NDUFAF2: variants seen among roughly 807,000 people sequenced by gnomAD.
The protein encoded by NDUFAF2 is NADH:ubiquinone oxidoreductase complex assembly factor 2.
NDUFAF2 carries 13 observed loss-of-function variants against 22.8 expected under a neutral mutation model. The ratio of observed to expected loss-of-function variants is 0.57; its 90% CI spans 0.37 to 0.91. The LOEUF is 0.91. Among genes scored for constraint, NDUFAF2 ranks in the 40% least tolerant of loss-of-function variants. The pLI is 0.01. For missense variants in NDUFAF2, 162 were observed against 195.2 expected (o/e 0.83, Z 1.01); for synonymous variants, 53 against 64.2 (o/e 0.83, Z 0.84).
chr5:61,048,135 T>C (rs1580112222), intron 1 of NDUFAF2, among the ~76,000 whole-genome samples: 2 of 152,188 alleles, frequency 1.3e-5, no homozygotes, highest in South Asian at 4.1e-4. Context: ...TAATACTTTT[T>C]TTAAGTTCTA....
chr5:61,054,334 C>A (rs751459786), intron 1 of NDUFAF2, among the ~76,000 whole-genome samples: 2 of 152,126 alleles, frequency 1.3e-5, no homozygotes, highest in African/African-American at 4.8e-5. Flanking sequence ...AGTAATAGTC[C>A]TATCAAAATA....
intron 3 of NDUFAF2, among the ~76,000 whole-genome samples, chr5:61,122,042 C>G (rs746534865): frequency 2.6e-5 from 4 of 152,060 alleles, no homozygotes; most frequent in Non-Finnish European, 4.4e-5. Context: ...ATTGGCCAGG[C>G]TGGTCTCAAA....
intron 2 of NDUFAF2, among the ~76,000 whole-genome samples, chr5:61,094,663 G>C (rs1676127857): frequency 6.6e-6 from 1 of 152,048 alleles, no homozygotes; most frequent in African/African-American, 2.4e-5. Context: ...CCTTTGGATG[G>C]GTTTTTATTT....
chr5:60,996,410 C>A (rs976967640), intron 1 of NDUFAF2, among the ~76,000 whole-genome samples: 2 of 152,022 alleles, frequency 1.3e-5, no homozygotes, highest in African/African-American at 4.8e-5. Context: ...TGAACTGATA[C>A]CTTAGATGTA....
intron 1 of NDUFAF2, among the ~76,000 whole-genome samples, chr5:60,985,448 G>C (rs1362101279): frequency 6.6e-6 from 1 of 151,996 alleles, no homozygotes; most frequent in Non-Finnish European, 1.5e-5. Flanking sequence ...TTTTGAATGT[G>C]TTTGCTCTTG....
intron 3 of NDUFAF2, among the ~76,000 whole-genome samples, chr5:61,105,510 T>A (rs1170589106): frequency 1.3e-5 from 2 of 150,220 alleles, no homozygotes; most frequent in East Asian, 3.9e-4. Context: ...AATAAGAAAA[T>A]TGCAGCATGT....
At chr5:61,036,885 A>C (rs1238091409) in intron 1 of NDUFAF2, among the ~76,000 whole-genome samples, 2 of 152,146 alleles carry the variant, frequency 1.3e-5, no homozygotes, top group East Asian at 3.9e-4. Flanking sequence ...TGGAAGCCAG[A>C]GGGCAAGGGA....
chr5:61,107,532 G>A (rs1752782683), intron 3 of NDUFAF2, among the ~76,000 whole-genome samples: 1 of 151,200 alleles, frequency 6.6e-6, no homozygotes, highest in Non-Finnish European at 1.5e-5. Context: ...CCCATTCTGT[G>A]AGTTGTCTCT....
intron 1 of NDUFAF2, among the ~76,000 whole-genome samples, chr5:60,979,572 C>T (rs1750948693): frequency 6.6e-6 from 1 of 152,238 alleles, no homozygotes; most frequent in South Asian, 2.1e-4. Context: ...GGTGAGACTT[C>T]TCTACTTGAG....
chr5:61,097,337 G>A (rs1315815422), intron 2 of NDUFAF2, among the ~76,000 whole-genome samples: 1 of 152,154 alleles, frequency 6.6e-6, no homozygotes, highest in Non-Finnish European at 1.5e-5. Flanking sequence ...CTTTAAATGT[G>A]TTCAGAACAC....
rs528378224 is a variant in NDUFAF2 at position 61,113,808 on chromosome 5, G to A, written c.258+14776G>A. 6.5e-5 allele frequency among the ~76,000 whole-genome samples: 7 copies of A among 108,468 alleles called. 1 individual carries two copies. The highest frequency in any genetic ancestry group is 1.8e-4 in the African/African-American group (6 of 33,156). 71.2% of individuals were successfully genotyped at this position (108,468 alleles called of 152,430 possible). A position where few individuals can be genotyped will look rare whatever the true frequency, so the allele number is the denominator to read the frequency against. ...GCAACATAAGAACAACTAATACATA[G>A]GATTAAAGTTTTTTTTTTTCCCTTC... On this transcript the variant is annotated intron_variant, in intron 3 of 3. Transcript: ENST00000296597.
At chr5:61,129,205 C>G (rs1057456992) in intron 3 of NDUFAF2, among the ~76,000 whole-genome samples, 1 of 152,156 alleles carries the variant, frequency 6.6e-6, no homozygotes, top group African/African-American at 2.4e-5. Context: ...GGACTGTAAA[C>G]TAGTTCAACC....
At chr5:61,093,198 T>C (rs747638405) in intron 2 of NDUFAF2, among the ~76,000 whole-genome samples, 1 of 152,232 alleles carries the variant, frequency 6.6e-6, no homozygotes, top group Non-Finnish European at 1.5e-5. Context: ...GCTGATTAGA[T>C]GGTACCCACC....
At chr5:61,023,040 G>A (rs896405056) in intron 1 of NDUFAF2, among the ~76,000 whole-genome samples, 2 of 152,022 alleles carry the variant, frequency 1.3e-5, no homozygotes, top group South Asian at 2.1e-4. Flanking sequence ...TCCTAGACCC[G>A]GGAAGGGATT....
chr5:61,045,598 T>G (rs1484651620), intron 1 of NDUFAF2, among the ~76,000 whole-genome samples: 1 of 152,084 alleles, frequency 6.6e-6, no homozygotes, highest in Non-Finnish European at 1.5e-5. Flanking sequence ...CTTGGCCTAC[T>G]AAAGTGGTGA....
At chr5:61,121,890 G>T (rs1428188669) in intron 3 of NDUFAF2, among the ~76,000 whole-genome samples, 2 of 150,756 alleles carry the variant, frequency 1.3e-5, no homozygotes, top group East Asian at 3.9e-4. Flanking sequence ...GAATACAGTG[G>T]CATGATCTCA....
At chr5:61,005,355 G>C (rs1175364177) in intron 1 of NDUFAF2, among the ~76,000 whole-genome samples, 2 of 152,044 alleles carry the variant, frequency 1.3e-5, no homozygotes, top group African/African-American at 4.8e-5. Context: ...CATTTGGGTT[G>C]GTTCCAAGTC....
intron 3 of NDUFAF2, among the ~76,000 whole-genome samples, chr5:61,121,953 C>A (rs570968361): frequency 6.6e-6 from 1 of 152,000 alleles, no homozygotes; most frequent in Admixed American, 6.6e-5. Flanking sequence ...GCCTCAGCCT[C>A]CCAAAAAGCT....
intron 1 of NDUFAF2, among the ~76,000 whole-genome samples, chr5:61,063,603 T>C (rs1752193269): frequency 6.6e-6 from 1 of 152,030 alleles, no homozygotes; most frequent in African/African-American, 2.4e-5. Context: ...AAAATGTAAA[T>C]TGGTGGGGAG....
Sources: gnomAD v4.1 joint callset for allele counts (sites outside exome capture counted in the v4.1 genomes callset) on GRCh38, gnomAD v4.1.1 for gene constraint, MANE v1.5 for transcripts, NCBI Gene and HGNC (gene_info 2026-07-23, HGNC 2026-07-21) for gene names.